Variants in NRIP3 observed in about 807,000 individuals in gnomAD.
NRIP3 encodes nuclear receptor-interacting protein 3.
In NRIP3, 31 loss-of-function variants were observed where a neutral mutation model predicts 29.0. The observed-to-expected ratio is 1.07, with a 90% CI of 0.80 to 1.44. NRIP3 has a LOEUF of 1.44. NRIP3 is among the 40% of genes most tolerant of loss of function. The probability of loss-of-function intolerance (pLI) is 0.00; values close to 1 mark genes in which losing one functional copy is unlikely to be tolerated. For synonymous variants in NRIP3, 131 were observed against 118.3 expected, an observed-to-expected ratio of 1.11 and a Z score of -0.70; for missense variants, 314 against 297.9, an observed-to-expected ratio of 1.05 and a Z score of -0.40.
At chr11:8,983,846 G>A (rs377364230) in intron 6 of NRIP3, 29 bp downstream of exon 6, 41 of 1,568,140 alleles carry the variant, frequency 2.6e-5, no homozygotes, top group Non-Finnish European at 3.3e-5. Flanking sequence ...AAATGGATGT[G>A]ACTTGATCTG....
At position 8,987,615 on chromosome 11, in the gene NRIP3, C is replaced by T. The variant is rs771936601; in HGVS notation, c.355G>A (p.Val119Met). The change falls in exon 3 of 7, where the codon GTG (valine) becomes ATG (methionine). Residue 119 changes from valine (V) to methionine (M), a missense_variant. Coordinates refer to ENST00000309166, the MANE Select transcript of NRIP3 (RefSeq NM_020645.3). The stretch of plus-strand genomic sequence containing the variant: ...CAGCCTGTGTCAACCAAGGCTTTCA[C>T]ATCCTTTCCAGCACACTGTGGGGAG... ...LVSCQCAGKD[V>M]KALVDTGCLY... 2 of 1,613,862 alleles carry T rather than the reference C, an allele frequency of 1.2e-6. No homozygotes were observed. Among genetic ancestry groups the T allele is most frequent in the Non-Finnish European group, 1.7e-6 (2 of 1,179,758 alleles).
chr11:8,993,841 T>C (rs1381143024), intron 1 of NRIP3, among the ~76,000 whole-genome samples: 1 of 146,262 alleles, frequency 6.8e-6, no homozygotes, highest in African/African-American at 2.5e-5. Context: ...TAAGACTAGA[T>C]AGATAGTGAT....
chr11:8,985,587 C>CA, intron 4 of NRIP3, 124 bp downstream of exon 4: 2 of 1,280,306 alleles, frequency 1.6e-6, no homozygotes, highest in Non-Finnish European at 2.1e-6. Flanking sequence ...GTCTACAGTA[C>CA]AAAAAAATGG....
intron 1 of NRIP3, among the ~76,000 whole-genome samples, chr11:8,999,702 G>C (rs903403666): frequency 6.6e-6 from 1 of 152,124 alleles, no homozygotes; most frequent in South Asian, 2.1e-4. Context: ...CAGTTCTTCA[G>C]TTATATCAAG....
chr11:8,984,007 T>C (rs758643114), intron 5 of NRIP3, 38 bp from the exon 6 acceptor site: 3 of 1,606,154 alleles, frequency 1.9e-6, no homozygotes, highest in Non-Finnish European at 2.6e-6. Flanking sequence ...CCACTATGAG[T>C]TCCTGTGTAA....
intron 1 of NRIP3, among the ~76,000 whole-genome samples, chr11:8,994,268 A>C (rs1451684358): frequency 1.3e-5 from 2 of 152,226 alleles, no homozygotes; most frequent in Non-Finnish European, 2.9e-5. Flanking sequence ...GAAAAGGAAA[A>C]GCTTTCCCAG....
At chr11:8,992,168 A>G (rs1854613660) in intron 1 of NRIP3, among the ~76,000 whole-genome samples, 1 of 152,240 alleles carries the variant, frequency 6.6e-6, no homozygotes, top group South Asian at 2.1e-4. Context: ...AGTTACAGGT[A>G]TCAGAACCTC....
intron 2 of NRIP3, among the ~76,000 whole-genome samples, 196 bp from the exon 3 acceptor site, chr11:8,987,826 A>G (rs868210320): frequency 6.6e-6 from 1 of 152,164 alleles, no homozygotes; most frequent in Non-Finnish European, 1.5e-5. Context: ...TCCAGAGCTG[A>G]CAGAAGATCC....
chr11:8,998,258 GTTGCTC>G (rs1854741810), intron 1 of NRIP3, among the ~76,000 whole-genome samples: 1 of 152,202 alleles, frequency 6.6e-6, no homozygotes, highest in African/African-American at 2.4e-5. Flanking sequence ...TCAGTTTGCA[GTTGCTC>G]AAAAACATAA....
intron 1 of NRIP3, among the ~76,000 whole-genome samples, chr11:8,991,465 A>G (rs1416063802): frequency 6.6e-6 from 1 of 152,226 alleles, no homozygotes; most frequent in Non-Finnish European, 1.5e-5. Context: ...ACCTACATAT[A>G]CTATATCTTA....
intron 1 of NRIP3, among the ~76,000 whole-genome samples, chr11:8,992,109 T>C (rs1052597764): frequency 6.6e-6 from 1 of 152,220 alleles, no homozygotes; most frequent in Non-Finnish European, 1.5e-5. Flanking sequence ...TATTTGCATC[T>C]AGCTGTAAAA....
At chr11:8,986,010 T>C (rs1475533611) in intron 3 of NRIP3, among the ~76,000 whole-genome samples, 160 bp from the exon 4 acceptor site, 2 of 152,234 alleles carry the variant, frequency 1.3e-5, no homozygotes, top group African/African-American at 4.8e-5. Flanking sequence ...TCCAGCACTT[T>C]GTCCTAAACA....
At chr11:8,996,227 T>C (rs976283584) in intron 1 of NRIP3, among the ~76,000 whole-genome samples, 28 of 151,828 alleles carry the variant, frequency 1.8e-4, no homozygotes, top group African/African-American at 6.5e-4. Flanking sequence ...CTTGACATAG[T>C]ACTGAAAGAA....
chr11:8,981,885 T>C lies in NRIP3; in HGVS notation c.*1660A>G, dbSNP rs1854421917. On this transcript the variant is annotated 3_prime_UTR_variant, in exon 7 of 7. Transcript: ENST00000309166. ...CAGTATGGCTGCCTAGTTGTTCAAA[T>C]GATAGTCACCAAGTTCCTAGGCTTT... 1 of 152,196 alleles carries C rather than the reference T, an allele frequency of 6.6e-6. No individual in the cohort carries two copies. 9.4% of individuals were successfully genotyped at this position (152,196 alleles called of 1,614,324 possible).
At position 8,988,059 on chromosome 11, in the gene NRIP3, A is replaced by T. The variant is rs907835723; in HGVS notation, c.339+59T>A. 7.9e-6 allele frequency: 12 copies of T among 1,527,454 alleles called. No individual in the cohort carries two copies. In the Admixed American group the frequency reaches 8.6e-5, roughly 11 times the overall value. The allele number at this position is 1,527,454 out of a possible 1,614,324, so 94.6% of individuals were successfully genotyped here. A position where few individuals can be genotyped will look rare whatever the true frequency, so the allele number is the denominator to read the frequency against. On this transcript the variant is annotated intron_variant, in intron 2 of 6. Coordinates refer to ENST00000309166, the MANE Select transcript of NRIP3 (RefSeq NM_020645.3). ...ACCCACACTCTATAAAGTCAGGAGGAGAGGGCCCCACATCCTACTTTCCAG... is the reference window on the plus strand; with the variant it reads ...ACCCACACTCTATAAAGTCAGGAGGTGAGGGCCCCACATCCTACTTTCCAG...
At chr11:8,983,995 T>C (rs1388672498) in intron 5 of NRIP3, 26 bp from the exon 6 acceptor site, 1 of 1,607,376 alleles carries the variant, frequency 6.2e-7, no homozygotes, top group Non-Finnish European at 8.5e-7. Context: ...TTGTCAGTGA[T>C]ACCACTATGA....
intron 2 of NRIP3, 70 bp downstream of exon 2, chr11:8,988,046 TAA>T (rs1483796837): frequency 1.4e-6 from 2 of 1,450,694 alleles, no homozygotes; most frequent in Admixed American, 1.8e-5. Flanking sequence ...CCACACTCTA[TAA>T]AGTCAGGAGG....
chr11:8,981,303 C>G lies in NRIP3; in HGVS notation c.*2242G>C, dbSNP rs1854412375. 1 of 151,870 alleles carries G rather than the reference C, an allele frequency of 6.6e-6. No individual in the cohort carries two copies. The highest frequency in any genetic ancestry group is 1.9e-4 in the East Asian group (1 of 5,186). The allele number at this position is 151,870 out of a possible 1,614,324, so 9.4% of individuals were successfully genotyped here. On this transcript the variant is annotated 3_prime_UTR_variant, in exon 7 of 7. Coordinates refer to ENST00000309166, the MANE Select transcript of NRIP3 (RefSeq NM_020645.3). Reference sequence around the variant, plus strand: ...GCTAACACGGTGAAACCCGTCTCTACTAAAAATACAAAAAATTAGCCAGGC... The same window carrying G: ...GCTAACACGGTGAAACCCGTCTCTAGTAAAAATACAAAAAATTAGCCAGGC...
At chr11:9,003,034 G>T (rs1290076469) in intron 1 of NRIP3, among the ~76,000 whole-genome samples, 1 of 152,120 alleles carries the variant, frequency 6.6e-6, no homozygotes, top group Non-Finnish European at 1.5e-5. Flanking sequence ...TCTACTTAAT[G>T]CCAGGAACAA....
Sources: gnomAD v4.1 joint callset for allele counts (sites outside exome capture counted in the v4.1 genomes callset) on GRCh38, gnomAD v4.1.1 for gene constraint, MANE v1.5 for transcripts, NCBI Gene and HGNC (gene_info 2026-07-23, HGNC 2026-07-21) for gene names.